Variants in TASP1 observed in about 807,000 individuals in gnomAD.
TASP1 encodes taspase 1, also known as threonine aspartase 1.
In TASP1, 16 loss-of-function variants were observed where a neutral mutation model predicts 56.6. The observed-to-expected ratio is 0.28, with a 90% CI of 0.19 to 0.43. The LOEUF is 0.43. TASP1 is among the 20% of genes least tolerant of loss of function. The pLI, the probability that TASP1 is intolerant of heterozygous loss-of-function variation, is 1.00. For missense variants in TASP1, 393 were observed against 511.6 expected, an observed-to-expected ratio of 0.77 and a Z score of 2.24; for synonymous variants, 179 against 184.2, an observed-to-expected ratio of 0.97 and a Z score of 0.23.
At chr20:13,372,054 C>T in the TASP1 span, among the ~76,000 whole-genome samples, 484 of 152,302 alleles carry the variant, frequency 3.2e-3, 1 homozygote, top group East Asian at 0.01. Context: ...AGTATAACTT[C>T]TGTAGAGAGC....
the TASP1 span, among the ~76,000 whole-genome samples, chr20:13,163,229 G>A: frequency 1.3e-5 from 2 of 151,824 alleles, no homozygotes; most frequent in African/African-American, 2.4e-5. Flanking sequence ...TTAGCCAGGC[G>A]TAGTAGCATG....
the TASP1 span, chr20:13,292,403 A>G: frequency 6.2e-7 from 1 of 1,606,748 alleles, no homozygotes; most frequent in African/African-American, 1.3e-5. Context: ...GACAGCTGCC[A>G]CCGAAGTGAG....
intron 4 of TASP1, among the ~76,000 whole-genome samples, chr20:13,620,529 A>G (rs903813791): frequency 2.6e-5 from 4 of 152,220 alleles, no homozygotes; most frequent in African/African-American, 9.6e-5. Flanking sequence ...AAGTAATAAT[A>G]TAACGGGCAA....
the TASP1 span, among the ~76,000 whole-genome samples, chr20:13,256,672 C>T: frequency 2.0e-5 from 3 of 152,178 alleles, no homozygotes; most frequent in Admixed American, 2.0e-4. Flanking sequence ...GTATTCTGAG[C>T]ACTCTCTTTA....
intron 12 of TASP1, among the ~76,000 whole-genome samples, chr20:13,433,816 C>T (rs1049610814): frequency 4.1e-5 from 6 of 147,600 alleles, no homozygotes; most frequent in African/African-American, 1.0e-4. Context: ...CCACAACCCC[C>T]GTGGATGACC....
the TASP1 span, chr20:13,117,455 G>A: frequency 1.3e-6 from 2 of 1,495,646 alleles, no homozygotes; most frequent in Non-Finnish European, 1.8e-6. Context: ...AACTGACAGA[G>A]CTTCCCAGGA....
At chr20:13,159,005 T>A in the TASP1 span, among the ~76,000 whole-genome samples, 1 of 152,224 alleles carries the variant, frequency 6.6e-6, no homozygotes, top group African/African-American at 2.4e-5. Context: ...ATGGGTAAAG[T>A]CACTCAGTAG....
intron 4 of TASP1, among the ~76,000 whole-genome samples, chr20:13,588,292 AG>A (rs972353217): frequency 9.9e-5 from 14 of 141,470 alleles, no homozygotes; most frequent in African/African-American, 3.8e-4. Flanking sequence ...GAAGGAAGGA[AG>A]GAAGGAAGGA....
chr20:13,399,801 C>G (rs1340389218), intron 13 of TASP1, among the ~76,000 whole-genome samples: 1 of 152,138 alleles, frequency 6.6e-6, no homozygotes, highest in East Asian at 1.9e-4. Context: ...GGGGAAAAGC[C>G]CAAATACTGA....
intron 11 of TASP1, among the ~76,000 whole-genome samples, chr20:13,441,929 A>G (rs756409614): frequency 6.6e-6 from 1 of 152,230 alleles, no homozygotes; most frequent in African/African-American, 2.4e-5. Flanking sequence ...AGCCATGGCC[A>G]TATCATTAAA....
chr20:13,578,113 C>A (rs113555702), intron 6 of TASP1, among the ~76,000 whole-genome samples: 12 of 152,224 alleles, frequency 7.9e-5, no homozygotes, highest in African/African-American at 2.9e-4. Flanking sequence ...TTCCCATCAA[C>A]AGCAGAAGAA....
chr20:13,363,324 A>G, the TASP1 span, among the ~76,000 whole-genome samples: 1 of 152,134 alleles, frequency 6.6e-6, no homozygotes, highest in African/African-American at 2.4e-5. Context: ...AAATTCCCCA[A>G]ACTATGGGGT....
intron 1 of TASP1, among the ~76,000 whole-genome samples, chr20:13,637,968 C>T (rs1368310217): frequency 6.6e-6 from 1 of 152,084 alleles, no homozygotes; most frequent in Admixed American, 6.5e-5. Flanking sequence ...TGTAACTATG[C>T]CTCTTAGTTA....
At chr20:13,290,466 G>A in the TASP1 span, among the ~76,000 whole-genome samples, 27 of 152,124 alleles carry the variant, frequency 1.8e-4, no homozygotes, top group Non-Finnish European at 3.4e-4. Flanking sequence ...TGGCTAACAC[G>A]GTGAAATGCC....
the TASP1 span, among the ~76,000 whole-genome samples, chr20:13,232,022 A>G: frequency 6.6e-6 from 1 of 152,246 alleles, no homozygotes; most frequent in African/African-American, 2.4e-5. Flanking sequence ...ACTTCCTCCC[A>G]TAAGCATCCA....
the TASP1 span, among the ~76,000 whole-genome samples, chr20:13,206,109 C>T: frequency 2.1e-3 from 324 of 152,184 alleles, 2 homozygotes; most frequent in East Asian, 0.019. Flanking sequence ...CCAGGTGATA[C>T]GGGACATTGG....
rs138516060 is a variant in TASP1 at position 13,587,254 on chromosome 20, C to T, written c.399G>A (p.Leu133=). ...KSLNFGAVGA[L]SGIKNPVSVA... ...TAGGTCATAATGCCCACATACCACT[C>T]AGTGCTCCAACTGCTCCAAAATTTA... Residue 133 remains leucine, a synonymous_variant, in exon 5 of 14, where the codon CTG becomes CTA. Transcript: ENST00000337743. 1 of 1,609,918 alleles carries T rather than the reference C, an allele frequency of 6.2e-7. No individual in the cohort carries two copies. Among genetic ancestry groups the T allele is most frequent in the African/African-American group, 1.3e-5 (1 of 74,636 alleles).
intron 12 of TASP1, 71 bp downstream of exon 12, chr20:13,434,973 G>T: frequency 1.9e-6 from 2 of 1,080,804 alleles, no homozygotes; most frequent in Non-Finnish European, 2.7e-6. Flanking sequence ...TTGACTTAAG[G>T]GTATAAATAT....
At chr20:13,637,970 T>A (rs2147650972) in intron 1 of TASP1, among the ~76,000 whole-genome samples, 1 of 152,336 alleles carries the variant, frequency 6.6e-6, no homozygotes, top group African/African-American at 2.4e-5. Context: ...TAACTATGCC[T>A]CTTAGTTATA....
Sources: allele counts gnomAD v4.1 joint callset (sites outside exome capture counted in the v4.1 genomes callset), GRCh38; gene constraint gnomAD v4.1.1; transcripts MANE v1.5; gene names NCBI Gene and HGNC (gene_info 2026-07-23, HGNC 2026-07-21).